The following PCDH15 variants were observed in gnomAD, a reference collection of about 807,000 sequenced individuals.
PCDH15 encodes protocadherin-15.
In PCDH15, 129 loss-of-function variants were observed where a neutral mutation model predicts 178.5. That is an observed-to-expected ratio of 0.72 (90% CI 0.63 to 0.84). The LOEUF (loss-of-function observed/expected upper bound fraction) is 0.84. Ranked by LOEUF, PCDH15 falls within the 40% of genes least tolerant of loss-of-function variation. PCDH15 has a pLI of 0.00. For synonymous variants in PCDH15, 800 were observed against 732.0 expected (o/e 1.09, Z -1.50); for missense variants, 2,230 against 2,099.9 (o/e 1.06, Z -1.21).
chr10:54,319,189 T>G (rs971966841), intron 7 of PCDH15, among the ~76,000 whole-genome samples: 1 of 152,204 alleles, frequency 6.6e-6, no homozygotes, highest in Admixed American at 6.6e-5. Flanking sequence ...TCTGCCTTTT[T>G]GAATTCTATT....
chr10:54,520,869 G>A (rs1311998980), intron 3 of PCDH15, among the ~76,000 whole-genome samples: 1 of 151,344 alleles, frequency 6.6e-6, no homozygotes, highest in Non-Finnish European at 1.5e-5. Context: ...ATACACCATG[G>A]AATACTATGC....
At chr10:54,722,123 A>G (rs1038094921) in intron 1 of PCDH15, among the ~76,000 whole-genome samples, 2 of 151,830 alleles carry the variant, frequency 1.3e-5, no homozygotes, top group Non-Finnish European at 2.9e-5. Context: ...AAAACATATG[A>G]TTATCTCAAG....
At chr10:54,804,045 CTT>C (rs938615106), upstream of PCDH15, among the ~76,000 whole-genome samples, 1 of 145,170 alleles carries the variant, frequency 6.9e-6, no homozygotes. Flanking sequence ...AAAAAATTTT[CTT>C]TTTTTTTTTT....
chr10:54,099,640 A>G (rs865892326), intron 15 of PCDH15, among the ~76,000 whole-genome samples: 13 of 151,658 alleles, frequency 8.6e-5, no homozygotes, highest in African/African-American at 2.9e-4. Context: ...ATGTAATCCA[A>G]TTTAGGAACT....
chr10:54,136,212 T>G (rs1235022402), intron 14 of PCDH15, among the ~76,000 whole-genome samples: 1 of 152,112 alleles, frequency 6.6e-6, no homozygotes, highest in East Asian at 1.9e-4. Flanking sequence ...GAATCTACAA[T>G]TTTCACAAAT....
intron 1 of PCDH15, among the ~76,000 whole-genome samples, chr10:55,274,978 G>A (rs1240339625): frequency 6.6e-6 from 1 of 151,970 alleles, no homozygotes; most frequent in African/African-American, 2.4e-5. Context: ...AGGGACCCCT[G>A]CATTAAAGCT....
chr10:54,941,539 A>T (rs1838063107), intron 2 of PCDH15, among the ~76,000 whole-genome samples: 1 of 152,088 alleles, frequency 6.6e-6, no homozygotes, highest in Admixed American at 6.6e-5. Flanking sequence ...CTTTGAACAC[A>T]TTTAGAATAG....
At chr10:54,587,144 C>G (rs112360975) in intron 2 of PCDH15, among the ~76,000 whole-genome samples, 1 of 152,120 alleles carries the variant, frequency 6.6e-6, no homozygotes, top group Admixed American at 6.6e-5. Context: ...TGATCAGTGA[C>G]CATTGGCATC....
chr10:54,691,561 C>A (rs1651288053), intron 1 of PCDH15, among the ~76,000 whole-genome samples: 1 of 151,216 alleles, frequency 6.6e-6, no homozygotes, highest in Non-Finnish European at 1.5e-5. Flanking sequence ...CTGAGTACAG[C>A]AGCCAGAGCA....
chr10:54,019,286 A>G (rs892409490), intron 20 of PCDH15, among the ~76,000 whole-genome samples: 5 of 152,090 alleles, frequency 3.3e-5, no homozygotes, highest in African/African-American at 1.2e-4. Context: ...ATGTAAAGTC[A>G]TTTTTTAGTA....
At chr10:55,586,292 AAAT>A (rs1318581264) in intron 2 of PCDH15, among the ~76,000 whole-genome samples, 2 of 151,866 alleles carry the variant, frequency 1.3e-5, no homozygotes, top group Non-Finnish European at 2.9e-5. Context: ...ATATTATTTC[AAAT>A]AATAATATTA....
chr10:54,425,019 A>AG (rs1245112066), intron 3 of PCDH15, among the ~76,000 whole-genome samples: 13 of 151,950 alleles, frequency 8.6e-5, no homozygotes, highest in African/African-American at 3.1e-4. Context: ...AAAAAAAAAA[A>AG]AAAAAGAAAA....
At chr10:54,350,385 TCTA>T (rs890121903) in intron 5 of PCDH15, among the ~76,000 whole-genome samples, 1 of 152,200 alleles carries the variant, frequency 6.6e-6, no homozygotes, top group African/African-American at 2.4e-5. Flanking sequence ...CCTGTGTATT[TCTA>T]CTACTAGATT....
At chr10:55,333,553 T>C (rs893243049) in intron 2 of PCDH15, among the ~76,000 whole-genome samples, 18 of 152,084 alleles carry the variant, frequency 1.2e-4, no homozygotes, top group African/African-American at 4.1e-4. Flanking sequence ...TTTGATGCTG[T>C]CAAGAATTAA....
chr10:54,825,184 C>T (rs1953106573), intron 3 of PCDH15, among the ~76,000 whole-genome samples: 2 of 152,080 alleles, frequency 1.3e-5, no homozygotes, highest in South Asian at 4.2e-4. Context: ...TCATCCATGT[C>T]CCTACAAAGG....
At chr10:55,158,693 TAA>T (rs71014458) in intron 2 of PCDH15, among the ~76,000 whole-genome samples, 46 of 141,734 alleles carry the variant, frequency 3.2e-4, no homozygotes, top group Admixed American at 2.8e-4. Context: ...TTGTTCTAAG[TAA>T]AAAAAAAAAA....
intron 17 of PCDH15, among the ~76,000 whole-genome samples, chr10:54,078,247 G>A (rs1471187866): frequency 2.6e-5 from 4 of 151,842 alleles, no homozygotes; most frequent in African/African-American, 7.3e-5. Flanking sequence ...AGCTTACTAT[G>A]GACAGACTGC....
intron 1 of PCDH15, among the ~76,000 whole-genome samples, chr10:54,721,533 A>G (rs1198853221): frequency 6.6e-6 from 1 of 151,906 alleles, no homozygotes; most frequent in Non-Finnish European, 1.5e-5. Flanking sequence ...GAAGTGGTAA[A>G]AGTGACATTA....
rs2090893528 is a variant in PCDH15, at chr10:54,580,006, A to G, written c.92-52129T>C. Among the ~76,000 whole-genome samples, 3 of 152,256 alleles carry G rather than the reference A, an allele frequency of 2.0e-5. 1 individual carries two copies. The South Asian group carries it at 6.2e-4, about 31-fold the overall frequency. On this transcript the variant is annotated intron_variant, in intron 2 of 37. Transcript: ENST00000644397. ...GGAACATTTACAGCACTAAGTGTCTACATCAAGAAGTTAGAAAGATCTCAA... is the reference window on the plus strand; with the variant it reads ...GGAACATTTACAGCACTAAGTGTCTGCATCAAGAAGTTAGAAAGATCTCAA...
Sources: allele counts gnomAD v4.1 joint callset (sites outside exome capture counted in the v4.1 genomes callset), GRCh38; gene constraint gnomAD v4.1.1; transcripts MANE v1.5; gene names NCBI Gene and HGNC (gene_info 2026-07-23, HGNC 2026-07-21).